The following ECPAS variants were observed in gnomAD, a reference collection of about 807,000 sequenced individuals.
ECPAS encodes the protein Ecm29 proteasome adaptor and scaffold.
ECPAS carries 70 observed loss-of-function variants against 255.1 expected under a neutral mutation model. That is an observed-to-expected ratio of 0.27 (90% confidence interval 0.23 to 0.33). ECPAS has a LOEUF of 0.33. Ranked by LOEUF, ECPAS falls within the 10% of genes least tolerant of loss-of-function variation. The pLI, the probability that ECPAS is intolerant of heterozygous loss-of-function variation, is 1.00. For missense variants in ECPAS, 1,817 were observed against 2,206.4 expected, an observed-to-expected ratio of 0.82 and a Z score of 3.54; for synonymous variants, 784 against 775.0, an observed-to-expected ratio of 1.01 and a Z score of -0.19.
chr9:111,407,432 A>AAAAAAAAAAAAAAAAAC (rs2098186587), intron 24 of ECPAS, among the ~76,000 whole-genome samples: 1 of 142,758 alleles, frequency 7.0e-6, no homozygotes, highest in Non-Finnish European at 1.6e-5. Context: ...AAAAAAAAAA[A>AAAAAAAAAAAAAAAAAC]AAAAAACCTA....
chr9:111,386,219 C>T (rs1267115647), intron 32 of ECPAS, among the ~76,000 whole-genome samples, 158 bp downstream of exon 32: 1 of 152,252 alleles, frequency 6.6e-6, no homozygotes, highest in African/African-American at 2.4e-5. Flanking sequence ...CCACCTCAGC[C>T]TCCCCATGTG....
rs2098219906 is a variant in ECPAS, at chr9:111,425,317, T to C, written c.1215+101A>G. 9 of 738,006 alleles carry C rather than the reference T, an allele frequency of 1.2e-5. No homozygotes were observed. The Middle Eastern group carries it at 1.2e-3, about 101-fold the overall frequency. 45.7% of individuals were successfully genotyped at this position (738,006 alleles called of 1,614,324 possible). ...GTAAAATGTTAAGGAACAGTGAAAC[T>C]TTAACAAACTTTTAACTAACTACAT... On this transcript the variant is annotated intron_variant, in intron 12 of 49. Transcript: ENST00000684092.
intron 17 of ECPAS, among the ~76,000 whole-genome samples, chr9:111,417,660 C>T (rs908735116): frequency 6.6e-6 from 1 of 151,862 alleles, no homozygotes; most frequent in African/African-American, 2.4e-5. Context: ...GCAGGAGAAT[C>T]ACTTGAACCC....
At chr9:111,436,587 A>T (rs1415320996) in intron 7 of ECPAS, among the ~76,000 whole-genome samples, 1 of 152,218 alleles carries the variant, frequency 6.6e-6, no homozygotes, top group Non-Finnish European at 1.5e-5. Flanking sequence ...CTGCACCATA[A>T]AAGCTAGATG....
At chr9:111,418,502 CA>C (rs1353753413) in intron 16 of ECPAS, among the ~76,000 whole-genome samples, 3 of 152,002 alleles carry the variant, frequency 2.0e-5, no homozygotes, top group Non-Finnish European at 2.9e-5. Flanking sequence ...CTGATCTCAG[CA>C]ATAGTCTTAT....
At chr9:111,410,242 T>C in intron 22 of ECPAS, 29 bp from the exon 23 acceptor site, 1 of 1,585,758 alleles carries the variant, frequency 6.3e-7, no homozygotes, top group Non-Finnish European at 8.6e-7. Context: ...AAAAAGAGAA[T>C]TACATACCAT....
At chr9:111,477,471 T>A (rs368486392) in intron 1 of ECPAS, among the ~76,000 whole-genome samples, 7 of 152,006 alleles carry the variant, frequency 4.6e-5, no homozygotes, top group South Asian at 4.1e-4. Flanking sequence ...CTGGCCCCGA[T>A]TGCCACATTT....
chr9:111,373,305 T>C lies in ECPAS; in HGVS notation c.4269+10A>G, dbSNP rs1395359287. ...GAGTTTTATTTAACTAAGCAAGAAA[T>C]TTAACTCACCCGAACTAAATGGCCC... On this transcript the variant is annotated intron_variant, in intron 40 of 49. Transcript: ENST00000684092. 6.2e-7 allele frequency: 1 copy of C among 1,613,636 alleles called. No individual in the cohort carries two copies. The highest frequency in any genetic ancestry group is 8.5e-7 in the Non-Finnish European group (1 of 1,179,636).
In ECPAS at chr9:111,371,544, A is replaced by C. The variant is rs530268426; in HGVS notation, c.4737+77T>G. ...AATAATCCATTGGAAAAGTTACACA[A>C]AACCAGATCGTTACTATTATGCAAA... On this transcript the variant is annotated intron_variant, in intron 43 of 49. Transcript: ENST00000684092. 5 of 1,323,776 alleles carry C rather than the reference A, an allele frequency of 3.8e-6. No individual in the cohort carries two copies. In the African/African-American group the frequency reaches 5.8e-5, roughly 15 times the overall value. 82.0% of individuals were successfully genotyped at this position (1,323,776 alleles called of 1,614,324 possible).
rs554571603 is a variant in ECPAS, at chr9:111,394,684, T to A, written c.2777-379A>T. ...TCTCCTTTCCTTTATTACTCCAGGGTTTCTCAACCTCAACACTACCGACAT... is the reference window on the plus strand; with the variant it reads ...TCTCCTTTCCTTTATTACTCCAGGGATTCTCAACCTCAACACTACCGACAT... On this transcript the variant is annotated intron_variant, in intron 25 of 49. Coordinates refer to ENST00000684092, the MANE Select transcript of ECPAS (RefSeq NM_001364929.1). 5.9e-5 allele frequency among the ~76,000 whole-genome samples: 9 copies of A among 152,236 alleles called. No homozygotes were observed. In the East Asian group the frequency reaches 1.5e-3, roughly 26 times the overall value.
intron 3 of ECPAS, among the ~76,000 whole-genome samples, chr9:111,446,410 AG>A (rs923139103): frequency 3.9e-5 from 6 of 152,358 alleles, no homozygotes; most frequent in African/African-American, 1.4e-4. Flanking sequence ...AATATTCTGC[AG>A]GGCCAGGTTT....
chr9:111,467,812 T>C (rs79196007), intron 2 of ECPAS, among the ~76,000 whole-genome samples: 2,191 of 152,268 alleles, frequency 0.014, 67 homozygotes, highest in African/African-American at 0.05. Flanking sequence ...TCACATGGCC[T>C]TCTGAGCCTC....
chr9:111,381,073 C>T (rs1004033847), intron 35 of ECPAS, among the ~76,000 whole-genome samples: 3 of 152,248 alleles, frequency 2.0e-5, no homozygotes, highest in Non-Finnish European at 4.4e-5. Flanking sequence ...ATTTCCTTTA[C>T]ATTCACAACT....
At chr9:111,371,149 G>C (rs1029555675) in intron 43 of ECPAS, among the ~76,000 whole-genome samples, 3 of 122,000 alleles carry the variant, frequency 2.5e-5, no homozygotes, top group African/African-American at 8.8e-5. Flanking sequence ...TCCCCACTGA[G>C]TGTTCACTGT....
intron 2 of ECPAS, among the ~76,000 whole-genome samples, chr9:111,471,254 G>C (rs576608576): frequency 1.3e-5 from 2 of 152,162 alleles, no homozygotes; most frequent in Non-Finnish European, 2.9e-5. Flanking sequence ...GAATCTAGGA[G>C]AGAAGAAACA....
intron 2 of ECPAS, among the ~76,000 whole-genome samples, chr9:111,470,552 C>G (rs1201670641): frequency 6.6e-6 from 1 of 152,022 alleles, no homozygotes; most frequent in African/African-American, 2.4e-5. Flanking sequence ...CCTCGTGATC[C>G]GCCCGCCTCG....
At chr9:111,386,651 C>A (rs2098149077) in intron 31 of ECPAS, among the ~76,000 whole-genome samples, 195 bp from the exon 32 acceptor site, 1 of 152,194 alleles carries the variant, frequency 6.6e-6, no homozygotes, top group Non-Finnish European at 1.5e-5. Flanking sequence ...GCCAGGTGAT[C>A]ATTCTAAAAT....
At chr9:111,411,805 TA>T (rs2098194921) in intron 21 of ECPAS, 1 of 466,862 alleles carries the variant, frequency 2.1e-6, no homozygotes, top group Non-Finnish European at 3.7e-6. Flanking sequence ...TCCTAGCACC[TA>T]AAACAGTGCT....
Position 111,414,651 on chromosome 9 carries a change from T to A in ECPAS, c.1765A>T (p.Ile589Phe). ...AGGCACATGCGCAAGTACAGAACGA[T>A]CTACAAACAGAACGGAGAGGAAGAC... ...LPFNPAAFGE[I>F]VLYLRMCLAH... Residue 589 changes from isoleucine (I) to phenylalanine (F), a missense_variant and splice_region_variant, in exon 19 of 50, where the codon ATC becomes TTC. By Grantham distance (21) the Ile-to-Phe change is conservative (BLOSUM62 0). Around this residue, in one of 4 missense-constraint regions of ECPAS, gnomAD observed 573 missense variants for 716.2 expected, o/e 0.80. Coordinates refer to ENST00000684092, the MANE Select transcript of ECPAS (RefSeq NM_001364929.1). 1 of 1,607,224 alleles carries A rather than the reference T, an allele frequency of 6.2e-7. No homozygotes were observed. The highest frequency in any genetic ancestry group is 8.5e-7 in the Non-Finnish European group (1 of 1,175,574).
Sources: allele counts gnomAD v4.1 joint callset (sites outside exome capture counted in the v4.1 genomes callset), GRCh38; gene constraint gnomAD v4.1.1; regional missense constraint gnomAD v4.1.1; transcripts MANE v1.5; gene names NCBI Gene and HGNC (gene_info 2026-07-23, HGNC 2026-07-21).